ADGRG7: variants seen among roughly 807,000 people sequenced by gnomAD.
ADGRG7 encodes the protein G-protein coupled receptor 128.
ADGRG7 carries 82 observed loss-of-function variants against 88.6 expected under a neutral mutation model. The observed-to-expected ratio is 0.93, with a 90% CI of 0.77 to 1.11. The LOEUF (loss-of-function observed/expected upper bound fraction) is 1.11. ADGRG7 is among the 50% of genes most tolerant of loss of function. ADGRG7 has a pLI of 0.00. For missense variants in ADGRG7, 945 were observed against 953.4 expected (o/e 0.99, Z 0.12); for synonymous variants, 381 against 345.2 (o/e 1.10, Z -1.15).
At chr3:100,614,642 A>G (rs1025972445) in intron 1 of ADGRG7, among the ~76,000 whole-genome samples, 4 of 152,188 alleles carry the variant, frequency 2.6e-5, no homozygotes, top group African/African-American at 9.6e-5. Context: ...TTTAAACCCC[A>G]AAAGACTAAG....
At chr3:100,653,790 C>A (rs1310106041) in intron 11 of ADGRG7, among the ~76,000 whole-genome samples, 1 of 151,592 alleles carries the variant, frequency 6.6e-6, no homozygotes, top group Non-Finnish European at 1.5e-5. Context: ...GACTTTCATG[C>A]AATTTTTTTT....
chr3:100,651,780 A>C (rs2149028193), intron 11 of ADGRG7, among the ~76,000 whole-genome samples: 1 of 152,242 alleles, frequency 6.6e-6, no homozygotes, highest in East Asian at 1.9e-4. Flanking sequence ...TTGTTCTTGG[A>C]CAGGTTCCCA....
At chr3:100,658,557 T>C (rs1424720403) in intron 13 of ADGRG7, among the ~76,000 whole-genome samples, 1 of 152,200 alleles carries the variant, frequency 6.6e-6, no homozygotes, top group Non-Finnish European at 1.5e-5. Context: ...AGCCTTTTTT[T>C]CTTTCTTAAG....
At chr3:100,681,599 C>T (rs2094973536) in intron 15 of ADGRG7, among the ~76,000 whole-genome samples, 1 of 152,146 alleles carries the variant, frequency 6.6e-6, no homozygotes, top group African/African-American at 2.4e-5. Context: ...TTGTGAGCCA[C>T]CACACCAGAC....
Position 100,695,205 on chromosome 3 carries a change from T to C in ADGRG7, c.*204T>C. 1.8e-6 allele frequency: 1 copy of C among 560,304 alleles called. No homozygotes were observed. The highest frequency in any genetic ancestry group is 3.0e-5 in the East Asian group (1 of 33,200). The allele number at this position is 560,304 out of a possible 1,614,324, so 34.7% of individuals were successfully genotyped here. A position where few individuals can be genotyped will look rare whatever the true frequency, so the allele number is the denominator to read the frequency against. ...ATTTTTCAATAGATTTGTACTTGAA[T>C]AAGGTGAAGAATTTCACACAACATA... On this transcript the variant is annotated 3_prime_UTR_variant, in exon 16 of 16. Coordinates refer to ENST00000273352, the MANE Select transcript of ADGRG7 (RefSeq NM_032787.3).
intron 1 of ADGRG7, among the ~76,000 whole-genome samples, chr3:100,627,692 C>T (rs1247671843): frequency 6.6e-6 from 1 of 152,114 alleles, no homozygotes; most frequent in Non-Finnish European, 1.5e-5. Flanking sequence ...CAGTTGGATA[C>T]TTTCAGGATT....
intron 6 of ADGRG7, among the ~76,000 whole-genome samples, chr3:100,640,760 G>A (rs542657853): frequency 6.6e-6 from 1 of 152,152 alleles, no homozygotes; most frequent in Non-Finnish European, 1.5e-5. Flanking sequence ...GACCTCAGGT[G>A]ATCCACCTGC....
intron 15 of ADGRG7, among the ~76,000 whole-genome samples, chr3:100,693,136 G>C (rs1031182884): frequency 6.6e-6 from 1 of 152,128 alleles, no homozygotes; most frequent in African/African-American, 2.4e-5. Flanking sequence ...CACCCAAACA[G>C]GTCCAACAGG....
At chr3:100,649,199 G>T (rs2094924224) in intron 10 of ADGRG7, among the ~76,000 whole-genome samples, 1 of 152,206 alleles carries the variant, frequency 6.6e-6, no homozygotes, top group Non-Finnish European at 1.5e-5. Flanking sequence ...TGAACCACAT[G>T]GGACAGTATG....
At chr3:100,652,186 A>C (rs2094930457) in intron 11 of ADGRG7, among the ~76,000 whole-genome samples, 1 of 152,104 alleles carries the variant, frequency 6.6e-6, no homozygotes, top group African/African-American at 2.4e-5. Flanking sequence ...AAACCTCTCA[A>C]TAGATTTAAT....
In ADGRG7 at chr3:100,610,014, A is replaced by G. The variant is rs1707124215; in HGVS notation, c.115+43A>G. ...TGTTTAACTCAGAGTAAGAGAAGGT[A>G]TGGGACCTCTGTCCCTGCCACCTGG... On this transcript the variant is annotated intron_variant, in intron 1 of 15. Transcript: ENST00000273352. 7 of 1,509,338 alleles carry G rather than the reference A, an allele frequency of 4.6e-6. No homozygotes were observed. The South Asian group carries it at 6.8e-5, about 15-fold the overall frequency. The allele number at this position is 1,509,338 out of a possible 1,614,324, so 93.5% of individuals were successfully genotyped here.
At chr3:100,653,291 G>A (rs757718232) in intron 11 of ADGRG7, among the ~76,000 whole-genome samples, 3 of 152,130 alleles carry the variant, frequency 2.0e-5, no homozygotes, top group Non-Finnish European at 2.9e-5. Flanking sequence ...TAAACGTAAA[G>A]TAAGCTGAAT....
At chr3:100,611,243 T>TTCTCCTTC (rs1707144548) in intron 1 of ADGRG7, among the ~76,000 whole-genome samples, 7 of 76,318 alleles carry the variant, frequency 9.2e-5, no homozygotes, top group Non-Finnish European at 2.4e-4. Context: ...GTTTGTTTGT[T>TTCTCCTTC]TTTCCTTCCT....
intron 15 of ADGRG7, among the ~76,000 whole-genome samples, chr3:100,680,465 A>G (rs563466805): frequency 6.6e-6 from 1 of 152,142 alleles, no homozygotes; most frequent in South Asian, 2.1e-4. Context: ...ATTTTTTTAT[A>G]TGGGTTAATT....
intron 1 of ADGRG7, among the ~76,000 whole-genome samples, chr3:100,622,610 T>G (rs1707329779): frequency 6.6e-6 from 1 of 152,198 alleles, no homozygotes; most frequent in South Asian, 2.1e-4. Flanking sequence ...TGGGTTCTTA[T>G]TATTAATGTG....
intron 15 of ADGRG7, among the ~76,000 whole-genome samples, chr3:100,669,738 AAATT>A (rs1477905993): frequency 6.6e-6 from 1 of 151,934 alleles, no homozygotes; most frequent in Non-Finnish European, 1.5e-5. Context: ...ATATACAATT[AAATT>A]ATTATTGACT....
chr3:100,685,828 T>A (rs2094981458), intron 15 of ADGRG7, among the ~76,000 whole-genome samples: 1 of 152,236 alleles, frequency 6.6e-6, no homozygotes, highest in Admixed American at 6.5e-5. Flanking sequence ...AGTGCCACAA[T>A]AAACATACGT....
chr3:100,657,238 C>A (rs141001030), intron 13 of ADGRG7, among the ~76,000 whole-genome samples: 82 of 152,270 alleles, frequency 5.4e-4, no homozygotes, highest in African/African-American at 1.9e-3. Flanking sequence ...CTTTCTCCCC[C>A]ACCTTCCACC....
At chr3:100,649,663 A>T in intron 10 of ADGRG7, 32 bp from the exon 11 acceptor site, 1 of 1,218,582 alleles carries the variant, frequency 8.2e-7, no homozygotes, top group Non-Finnish European at 1.2e-6. Context: ...GGGATGACTA[A>T]TTAAAAATAT....
Sources: gnomAD v4.1 joint callset for allele counts (sites outside exome capture counted in the v4.1 genomes callset) on GRCh38, gnomAD v4.1.1 for gene constraint, MANE v1.5 for transcripts, NCBI Gene and HGNC (gene_info 2026-07-23, HGNC 2026-07-21) for gene names.